Variants in PLS3 observed in about 807,000 individuals in gnomAD.
The protein encoded by PLS3 is plastin-3.
PLS3 carries 11 observed loss-of-function variants against 46.5 expected under a neutral mutation model. The ratio of observed to expected loss-of-function variants is 0.24; its 90% CI spans 0.15 to 0.39. The LOEUF (loss-of-function observed/expected upper bound fraction) is 0.39, where lower values mean the gene tolerates loss of function less well. PLS3 is among the 10% of genes least tolerant of loss of function. The probability of loss-of-function intolerance (pLI) is 1.00; values close to 1 mark genes in which losing one functional copy is unlikely to be tolerated. For missense variants in PLS3, 308 were observed against 461.8 expected (o/e 0.67, Z 3.05); for synonymous variants, 167 against 162.2 (o/e 1.03, Z -0.22).
At chrX:115,600,157 T>C (rs899150064) in intron 1 of PLS3, among the ~76,000 whole-genome samples, 6 of 111,185 alleles carry the variant, frequency 5.4e-5, no homozygotes, top group Non-Finnish European at 1.1e-4. Context: ...TTTATTCATT[T>C]TTTATGTTTA....
At chrX:115,586,988 A>T (rs782271495) in intron 1 of PLS3, among the ~76,000 whole-genome samples, 3 of 112,600 alleles carry the variant, frequency 2.7e-5, no homozygotes, top group African/African-American at 9.7e-5. Context: ...TCCTTCATAA[A>T]TATTACTGAA....
chrX:115,626,286 CTT>C (rs199906155), intron 3 of PLS3, among the ~76,000 whole-genome samples: 7 of 101,494 alleles, frequency 6.9e-5, no homozygotes, highest in African/African-American at 7.1e-5. Flanking sequence ...ATCATTTTTA[CTT>C]TTTTTTTTTT....
intron 2 of PLS3, among the ~76,000 whole-genome samples, chrX:115,615,716 C>G (rs1456253427): frequency 9.0e-6 from 1 of 110,913 alleles, no homozygotes; most frequent in Non-Finnish European, 1.9e-5. Flanking sequence ...TTACTTTCTG[C>G]CAGAATTGTG....
chrX:115,574,681 G>T (rs781842029), intron 1 of PLS3, among the ~76,000 whole-genome samples: 2 of 110,721 alleles, frequency 1.8e-5, no homozygotes, highest in South Asian at 7.8e-4. Context: ...CCAGATTCAA[G>T]CGATTCTCCT....
intron 1 of PLS3, among the ~76,000 whole-genome samples, chrX:115,583,025 G>A (rs927134209): frequency 9.0e-6 from 1 of 111,603 alleles, no homozygotes; most frequent in Non-Finnish European, 1.9e-5. Flanking sequence ...GAGTGACAGA[G>A]GGAGACTCTG....
intron 15 of PLS3, 67 bp downstream of exon 15, chrX:115,648,084 T>A (rs1200627571): frequency 9.2e-5 from 82 of 888,475 alleles, no homozygotes; most frequent in Non-Finnish European, 8.9e-5. Flanking sequence ...GAATTCTAAT[T>A]CAGGTTCTGC....
At chrX:115,615,925 G>C (rs150854800) in intron 2 of PLS3, among the ~76,000 whole-genome samples, 4,178 of 111,763 alleles carry the variant, frequency 0.037, 102 homozygotes, top group Admixed American at 0.11. Context: ...TCAAAACACA[G>C]AGCTTTTCCC....
chrX:115,611,533 T>C (rs2074548734), intron 2 of PLS3, among the ~76,000 whole-genome samples: 1 of 111,350 alleles, frequency 9.0e-6, no homozygotes. Context: ...GAGTGCATTT[T>C]TGAACCTTTT....
At chrX:115,571,638 G>A (rs1415406755) in intron 1 of PLS3, among the ~76,000 whole-genome samples, 5 of 111,875 alleles carry the variant, frequency 4.5e-5, no homozygotes, top group East Asian at 2.8e-4. Flanking sequence ...TACAGACACC[G>A]TTATAAACTC....
rs1273862296 is a variant in PLS3 at position 115,561,232 on chromosome X, G to A, written c.-37G>A. ...CTGAGTGGGTTGGTCGGCGGCAGTC[G>A]GGCCAGACCCAGGACTCTGCGACTT... On this transcript the variant is annotated 5_prime_UTR_variant, in exon 1 of 16. Transcript: ENST00000355899. 1 of 111,995 alleles carries A rather than the reference G, an allele frequency of 8.9e-6. No homozygotes were observed. The highest frequency in any genetic ancestry group is 3.3e-5 in the African/African-American group (1 of 30,755). 9.2% of individuals were successfully genotyped at this position (111,995 alleles called of 1,213,427 possible). A position where few individuals can be genotyped will look rare whatever the true frequency, so the allele number is the denominator to read the frequency against.
At chrX:115,622,830 A>T (rs1556637845) in intron 3 of PLS3, among the ~76,000 whole-genome samples, 1 of 111,655 alleles carries the variant, frequency 9.0e-6, no homozygotes, top group Non-Finnish European at 1.9e-5. Flanking sequence ...CTCATTAAAA[A>T]GTTGTTTTCC....
Position 115,613,043 on chromosome X carries a change from C to T in PLS3, c.73+2720C>T, listed in dbSNP as rs933654396. On this transcript the variant is annotated intron_variant, in intron 2 of 15. Coordinates refer to ENST00000355899, the MANE Select transcript of PLS3 (RefSeq NM_005032.7). Reference sequence around the variant, plus strand: ...AGAAACTGTCTTTTACATTCTAAGCCTTTAATCTTGCTATGGAAACTAGTG... The same window carrying T: ...AGAAACTGTCTTTTACATTCTAAGCTTTTAATCTTGCTATGGAAACTAGTG... 4.5e-5 allele frequency among the ~76,000 whole-genome samples: 5 copies of T among 111,704 alleles called. No individual in the cohort carries two copies. In the East Asian group the frequency reaches 1.4e-3, roughly 31 times the overall value.
intron 2 of PLS3, chrX:115,622,036 C>T (rs781814631): frequency 1.9e-4 from 68 of 354,352 alleles, no homozygotes; most frequent in Non-Finnish European, 3.1e-4. Context: ...AATCTACTTA[C>T]ACATTGCTTA....
chrX:115,645,214 A>G, intron 11 of PLS3, 115 bp downstream of exon 11: 1 of 522,003 alleles, frequency 1.9e-6, no homozygotes, highest in Admixed American at 3.2e-5. Flanking sequence ...TATATTGGAA[A>G]ATGTCAAGTG....
At chrX:115,647,792 T>C in intron 14 of PLS3, 101 bp from the exon 15 acceptor site, 1 of 1,142,601 alleles carries the variant, frequency 8.8e-7, no homozygotes, top group Non-Finnish European at 1.2e-6. Flanking sequence ...GGCACAATTC[T>C]TTACGAATTC....
intron 3 of PLS3, among the ~76,000 whole-genome samples, chrX:115,624,928 T>C (rs144829211): frequency 2.3e-4 from 26 of 111,853 alleles, no homozygotes; most frequent in African/African-American, 8.1e-4. Context: ...TTGCCTAACA[T>C]TACACAGAGG....
At position 115,610,289 on chromosome X, in the gene PLS3, G is replaced by T; in HGVS notation, c.39G>T (p.Glu13Asp). ...EMATTQISKD[E>D]LDELKEAFAK... is the part of the protein sequence containing the mutation. ...CTACCACTCAGATTTCCAAAGATGA[G>T]CTTGATGAACTCAAAGAGGCCTTTG... The change falls in exon 2 of 16, where the codon GAG (glutamate) becomes GAT (aspartate). Residue 13 changes from glutamate (E) to aspartate (D), a missense_variant. Physicochemically the swap from Glu to Asp is conservative, Grantham distance 45. Transcript: ENST00000355899. 1 of 1,174,347 alleles carries T rather than the reference G, an allele frequency of 8.5e-7. No individual in the cohort carries two copies. Among genetic ancestry groups the T allele is most frequent in the Non-Finnish European group, 1.1e-6 (1 of 870,253 alleles).
In PLS3 at chrX:115,594,535, A is replaced by G. The variant is rs146447722; in HGVS notation, c.-8-15708A>G. On this transcript the variant is annotated intron_variant, in intron 1 of 15. Coordinates refer to ENST00000355899, the MANE Select transcript of PLS3 (RefSeq NM_005032.7). ...CGATAGCTTTCTGCTTCGTGTATAT[A>G]GTGATTTGAGTTGTAGGTCACAATA... 6.7e-3 allele frequency among the ~76,000 whole-genome samples: 741 copies of G among 111,123 alleles called. 5 individuals carry two copies. The highest frequency in any genetic ancestry group is 0.023 in the African/African-American group (700 of 30,575).
intron 9 of PLS3, 149 bp from the exon 10 acceptor site, chrX:115,643,164 C>CT (rs1298750999): frequency 2.4e-4 from 99 of 418,568 alleles, no homozygotes; most frequent in East Asian, 6.1e-4. Context: ...GAGGGCCAAC[C>CT]TTTTTTTTTG....
Sources: allele counts gnomAD v4.1 joint callset (sites outside exome capture counted in the v4.1 genomes callset), GRCh38; gene constraint gnomAD v4.1.1; transcripts MANE v1.5; gene names NCBI Gene and HGNC (gene_info 2026-07-23, HGNC 2026-07-21).